Variants in AP1G1 observed in about 807,000 individuals in gnomAD.
AP1G1 encodes the protein AP-1 complex subunit gamma-1.
AP1G1 carries 7 observed loss-of-function variants against 108.3 expected under a neutral mutation model. The observed-to-expected ratio is 0.06, with a 90% CI of 0.04 to 0.12. The LOEUF is 0.12. AP1G1 is among the 10% of genes least tolerant of loss of function. The probability of loss-of-function intolerance (pLI) is 1.00; values close to 1 mark genes in which losing one functional copy is unlikely to be tolerated. For synonymous variants in AP1G1, 379 were observed against 353.5 expected, an observed-to-expected ratio of 1.07 and a Z score of -0.81; for missense variants, 756 against 1,010.7, an observed-to-expected ratio of 0.75 and a Z score of 3.42.
intron 19 of AP1G1, chr16:71,742,527 C>T (rs2029919775): frequency 6.6e-6 from 1 of 152,138 alleles, no homozygotes; most frequent in African/African-American, 2.4e-5. Flanking sequence ...ATGGGCCTCA[C>T]AAATATCTTA....
chr16:71,769,699 C>T lies in AP1G1; in HGVS notation c.566G>A (p.Gly189Asp). Reference sequence around the variant, plus strand: ...GAGGACTACAGATGTGTGGAGGACACCTGAAAGAAAAGATCAAAGGAAAAC... The same window carrying T: ...GAGGACTACAGATGTGTGGAGGACATCTGAAAGAAAAGATCAAAGGAAAAC... Reference protein sequence around the residue: ...TKNLLNEKNHGVLHTSVVLLT... With the variant: ...TKNLLNEKNHDVLHTSVVLLT... Residue 189 changes from glycine (G) to aspartate (D), a missense_variant and splice_region_variant, in exon 6 of 23, where the codon GGT (glycine) becomes GAT (aspartate). By Grantham distance (94) the Gly-to-Asp change is moderately conservative. Transcript: ENST00000299980. 6.2e-7 allele frequency: 1 copy of T among 1,612,228 alleles called. No individual in the cohort carries two copies. Among genetic ancestry groups the T allele is most frequent in the Non-Finnish European group, 8.5e-7 (1 of 1,178,682 alleles).
At chr16:71,764,925 T>G (rs1242453192) in intron 7 of AP1G1, among the ~76,000 whole-genome samples, 199 bp from the exon 8 acceptor site, 2 of 152,244 alleles carry the variant, frequency 1.3e-5, no homozygotes, top group Non-Finnish European at 2.9e-5. Context: ...CTTCTACATC[T>G]AATAAAGTTA....
chr16:71,764,880 G>C (rs1357184553), intron 7 of AP1G1, among the ~76,000 whole-genome samples, 154 bp from the exon 8 acceptor site: 3 of 152,028 alleles, frequency 2.0e-5, no homozygotes, highest in South Asian at 4.1e-4. Context: ...CAGAAGAATT[G>C]AAAACATTTT....
intron 1 of AP1G1, among the ~76,000 whole-genome samples, chr16:71,794,888 A>C (rs2142267231): frequency 9.6e-6 from 1 of 104,002 alleles, no homozygotes; most frequent in East Asian, 2.7e-4. Context: ...TATTTTTCCC[A>C]CTAAATACAA....
chr16:71,806,808 A>C (rs1384739816), intron 1 of AP1G1: 3 of 848,050 alleles, frequency 3.5e-6, no homozygotes, highest in African/African-American at 3.6e-5. Flanking sequence ...TATATTTTTG[A>C]AAAATCTGCT....
At chr16:71,789,530 C>A in intron 1 of AP1G1, 48 bp from the exon 2 acceptor site, 1 of 1,534,966 alleles carries the variant, frequency 6.5e-7, no homozygotes, top group South Asian at 1.1e-5. Flanking sequence ...TTTTTACTAC[C>A]AAAGCTATTC....
At chr16:71,754,279 TGGAAGGAAAGAA>T (rs1175341018) in intron 12 of AP1G1, among the ~76,000 whole-genome samples, 1 of 88,772 alleles carries the variant, frequency 1.1e-5, no homozygotes, top group African/African-American at 4.5e-5. Context: ...GGAAAGAAGA[TGGAAGGAAAGAA>T]GGAAGGAAGG....
intron 1 of AP1G1, among the ~76,000 whole-genome samples, chr16:71,795,955 G>A (rs538586633): frequency 6.6e-6 from 1 of 152,324 alleles, no homozygotes; most frequent in South Asian, 2.1e-4. Flanking sequence ...TCTGGGGATA[G>A]GCCAGGCGTG....
chr16:71,783,689 C>A (rs1226365214), intron 2 of AP1G1, among the ~76,000 whole-genome samples: 1 of 152,118 alleles, frequency 6.6e-6, no homozygotes, highest in Admixed American at 6.6e-5. Flanking sequence ...AAGGCTAGAA[C>A]TGAGGAAAAA....
At chr16:71,807,906 G>C in intron 1 of AP1G1, 1 of 1,283,828 alleles carries the variant, frequency 7.8e-7, no homozygotes, top group Non-Finnish European at 1.0e-6. Context: ...AAAAAGCTAA[G>C]TATTCAGCAC....
intron 1 of AP1G1, among the ~76,000 whole-genome samples, chr16:71,792,849 G>C (rs1311813575): frequency 6.6e-6 from 1 of 151,300 alleles, no homozygotes; most frequent in Admixed American, 6.6e-5. Flanking sequence ...GCGAGACTCT[G>C]TCAAAAAGAA....
intron 1 of AP1G1, among the ~76,000 whole-genome samples, chr16:71,796,777 C>A (rs2032600724): frequency 6.6e-6 from 1 of 152,044 alleles, no homozygotes; most frequent in Non-Finnish European, 1.5e-5. Flanking sequence ...TTATTTTATG[C>A]TTAATTATCC....
intron 16 of AP1G1, chr16:71,746,947 G>A: frequency 3.3e-6 from 1 of 300,146 alleles, no homozygotes; most frequent in South Asian, 4.8e-5. Flanking sequence ...ATGATGGTGT[G>A]GAAAAAACAC....
chr16:71,736,404 G>A (rs1281042394), intron 21 of AP1G1, among the ~76,000 whole-genome samples: 1 of 145,680 alleles, frequency 6.9e-6, no homozygotes, highest in African/African-American at 2.5e-5. Flanking sequence ...TTTTTTAGAT[G>A]GAGTCTCGCT....
intron 21 of AP1G1, among the ~76,000 whole-genome samples, chr16:71,737,965 G>C (rs2045570577): frequency 6.6e-6 from 1 of 152,254 alleles, no homozygotes; most frequent in Non-Finnish European, 1.5e-5. Flanking sequence ...ATAAAGACCA[G>C]ATAGCAGCCT....
chr16:71,808,183 A>T (rs956343652), intron 1 of AP1G1: 20 of 1,091,098 alleles, frequency 1.8e-5, no homozygotes, highest in Non-Finnish European at 2.1e-5. Context: ...ACTCGCAGGT[A>T]GGTTGAAAAA....
At chr16:71,734,787 C>A in intron 21 of AP1G1, 80 bp from the exon 22 acceptor site, 1 of 1,122,054 alleles carries the variant, frequency 8.9e-7, no homozygotes, top group Non-Finnish European at 1.4e-6. Context: ...ATTTAGACAC[C>A]CAGATGATGG....
At chr16:71,743,340 C>T (rs1457664054) in intron 19 of AP1G1, 1 of 152,062 alleles carries the variant, frequency 6.6e-6, no homozygotes, top group Non-Finnish European at 1.5e-5. Context: ...CTTAGCTAAC[C>T]ATCCAACTTG....
intron 19 of AP1G1, 146 bp downstream of exon 19, chr16:71,744,998 G>T: frequency 1.2e-6 from 1 of 828,734 alleles, no homozygotes; most frequent in Non-Finnish European, 1.9e-6. Context: ...CATATAACCC[G>T]GATATTGTGA....
Sources: allele counts gnomAD v4.1 joint callset (sites outside exome capture counted in the v4.1 genomes callset), GRCh38; gene constraint gnomAD v4.1.1; transcripts MANE v1.5; gene names NCBI Gene and HGNC (gene_info 2026-07-23, HGNC 2026-07-21).